Variants in GMDS observed in about 807,000 individuals in gnomAD.
The protein encoded by GMDS is GDP-mannose 4,6-dehydratase.
Under a neutral mutation model 49.9 loss-of-function variants are expected in GMDS, and 20 were observed. The observed-to-expected ratio is 0.40, with a 90% confidence interval of 0.28 to 0.58. The LOEUF (loss-of-function observed/expected upper bound fraction) is 0.58. Among genes scored for constraint, GMDS ranks in the 20% least tolerant of loss-of-function variants. The pLI is 0.42. For synonymous variants in GMDS, 177 were observed against 178.6 expected (o/e 0.99, Z 0.07); for missense variants, 362 against 481.4 (o/e 0.75, Z 2.32).
chr6:1,652,698 TTATATATATA>T (rs57897372), intron 9 of GMDS, among the ~76,000 whole-genome samples: 51 of 1,894 alleles, frequency 0.027, 17 homozygotes, highest in East Asian at 0.061. Context: ...ATATAATATA[TTATATATATA>T]TATATATATA....
At chr6:2,243,742 AAAGC>A (rs1781720506) in intron 1 of GMDS, among the ~76,000 whole-genome samples, 1 of 152,120 alleles carries the variant, frequency 6.6e-6, no homozygotes, top group Admixed American at 6.5e-5. Flanking sequence ...TACCTTAAGC[AAAGC>A]AAGATGCATG....
intron 9 of GMDS, among the ~76,000 whole-genome samples, chr6:1,693,102 C>A (rs1168853211): frequency 6.6e-6 from 1 of 152,252 alleles, no homozygotes; most frequent in Admixed American, 6.5e-5. Flanking sequence ...GCCAGTGCCC[C>A]TTCTAAGAGG....
intron 4 of GMDS, among the ~76,000 whole-genome samples, chr6:2,075,619 G>C (rs1294942287): frequency 1.3e-5 from 2 of 152,174 alleles, no homozygotes; most frequent in African/African-American, 2.4e-5. Flanking sequence ...GTTTTCCATG[G>C]TGTATATGTG....
chr6:1,959,483 C>T (rs1763820807), intron 6 of GMDS, among the ~76,000 whole-genome samples: 2 of 152,108 alleles, frequency 1.3e-5, no homozygotes, highest in South Asian at 4.1e-4. Context: ...CAAAAAATAA[C>T]ATAGATCCTA....
intron 9 of GMDS, among the ~76,000 whole-genome samples, chr6:1,706,086 T>C (rs1408074328): frequency 3.3e-5 from 5 of 152,198 alleles, no homozygotes; most frequent in African/African-American, 1.2e-4. Flanking sequence ...ATTGGTACTA[T>C]AGCGGGCAGG....
intron 8 of GMDS, among the ~76,000 whole-genome samples, chr6:1,736,262 T>C (rs536190529): frequency 1.3e-5 from 2 of 152,288 alleles, no homozygotes; most frequent in East Asian, 3.9e-4. Context: ...GGGTTAAAAA[T>C]CTAAGCATCT....
intron 6 of GMDS, among the ~76,000 whole-genome samples, chr6:1,944,278 G>A (rs993734606): frequency 4.6e-5 from 7 of 152,072 alleles, no homozygotes; most frequent in Non-Finnish European, 8.8e-5. Flanking sequence ...AGGCCGAGGC[G>A]GACGGATCAC....
At chr6:2,215,261 G>C (rs1008079049) in intron 1 of GMDS, among the ~76,000 whole-genome samples, 14 of 151,968 alleles carry the variant, frequency 9.2e-5, no homozygotes, top group African/African-American at 3.1e-4. Context: ...ACAGAGAGAG[G>C]ATGTTATTAG....
chr6:1,662,029 G>T (rs551202678), intron 9 of GMDS, among the ~76,000 whole-genome samples: 1 of 152,080 alleles, frequency 6.6e-6, no homozygotes, highest in Non-Finnish European at 1.5e-5. Context: ...CACAAATGGC[G>T]ACTCGCCTTG....
In GMDS at chr6:1,831,069, T is replaced by A. The variant is rs976988550; in HGVS notation, c.772-88483A>T. Reference sequence around the variant, plus strand: ...GTTCAATATTCCCAAATCAGAATGATCCAGCAGAGTTATTCTGGTAAGGCC... The same window carrying A: ...GTTCAATATTCCCAAATCAGAATGAACCAGCAGAGTTATTCTGGTAAGGCC... On this transcript the variant is annotated intron_variant, in intron 7 of 10. Coordinates refer to ENST00000380815, the MANE Select transcript of GMDS (RefSeq NM_001500.4). Among the ~76,000 whole-genome samples the A allele has an allele frequency of 7.2e-5, 11 of 152,260 alleles. 1 individual carries two copies. The highest frequency in any genetic ancestry group is 6.5e-4 in the Admixed American group (10 of 15,288).
intron 1 of GMDS, among the ~76,000 whole-genome samples, chr6:2,154,863 C>CAAAAAAAAAAAAAAAAAAAAAAAAAAAAA (rs70992124): frequency 1.5e-5 from 1 of 65,626 alleles, no homozygotes; most frequent in Non-Finnish European, 3.0e-5. Context: ...TGAAGAGATG[C>CAAAAAAAAAAAAAAAAAAAAAAAAAAAAA]AAAAAAAAAA....
chr6:1,676,850 A>T (rs1561720307), intron 9 of GMDS, among the ~76,000 whole-genome samples: 1 of 152,216 alleles, frequency 6.6e-6, no homozygotes, highest in African/African-American at 2.4e-5. Context: ...CCTAGGCAAT[A>T]CCATTCAGGA....
intron 9 of GMDS, among the ~76,000 whole-genome samples, chr6:1,683,198 A>G (rs1182089122): frequency 6.6e-6 from 1 of 152,120 alleles, no homozygotes; most frequent in Non-Finnish European, 1.5e-5. Flanking sequence ...ATCTCGGCTC[A>G]CTGCAAGCTC....
chr6:2,176,111 C>G, intron 1 of GMDS: 1 of 749,884 alleles, frequency 1.3e-6, no homozygotes, highest in Non-Finnish European at 2.1e-6. Context: ...TGTCCAGCCC[C>G]CCTTCTACAA....
intron 9 of GMDS, among the ~76,000 whole-genome samples, chr6:1,695,306 A>G (rs1765301038): frequency 6.6e-6 from 1 of 152,204 alleles, no homozygotes; most frequent in Admixed American, 6.5e-5. Flanking sequence ...TCTTCTGTAA[A>G]AACTGAACCA....
rs767506080 is a variant in GMDS at position 2,097,287 on chromosome 6, GA to G, written c.345+18483del. 3.9e-4 allele frequency among the ~76,000 whole-genome samples: 60 copies of G among 152,082 alleles called. 1 individual carries two copies. The highest frequency in any genetic ancestry group is 4.1e-4 in the Non-Finnish European group (28 of 68,030). ...GAATAATGCCTTGTCTGTTGTTCTT[GA>G]GAGAGAGTAGAACAGATGGCTCTAG... On this transcript the variant is annotated intron_variant, in intron 4 of 10. Transcript: ENST00000380815.
At chr6:2,137,865 G>C (rs1776088474) in intron 1 of GMDS, among the ~76,000 whole-genome samples, 2 of 152,220 alleles carry the variant, frequency 1.3e-5, no homozygotes, top group South Asian at 4.1e-4. Flanking sequence ...TTATAGACTG[G>C]ATAATTTTAA....
At chr6:1,998,244 T>A (rs1435326482) in intron 4 of GMDS, among the ~76,000 whole-genome samples, 2 of 152,096 alleles carry the variant, frequency 1.3e-5, no homozygotes, top group Non-Finnish European at 2.9e-5. Flanking sequence ...ATCATCAACC[T>A]AACGAAAAAC....
At chr6:2,052,131 G>GAAAAAAAAAAAAAAAAAAA (rs576035823) in intron 4 of GMDS, among the ~76,000 whole-genome samples, 1 of 99,644 alleles carries the variant, frequency 1.0e-5, no homozygotes, top group Non-Finnish European at 2.1e-5. Context: ...AAAAAAAAAA[G>GAAAAAAAAAAAAAAAAAAA]AAAAAAAAAA....
Sources: allele counts gnomAD v4.1 joint callset (sites outside exome capture counted in the v4.1 genomes callset), GRCh38; gene constraint gnomAD v4.1.1; transcripts MANE v1.5; gene names NCBI Gene and HGNC (gene_info 2026-07-23, HGNC 2026-07-21).